Variants in SNAP91 observed in about 807,000 individuals in gnomAD.
The protein encoded by SNAP91 is clathrin coat assembly protein AP180.
SNAP91 carries 27 observed loss-of-function variants against 100.3 expected under a neutral mutation model. The observed-to-expected ratio is 0.27, with a 90% CI of 0.20 to 0.37. SNAP91 has a LOEUF of 0.37. SNAP91 is among the 10% of genes least tolerant of loss of function. The probability of loss-of-function intolerance (pLI) is 1.00; values close to 1 mark genes in which losing one functional copy is unlikely to be tolerated. For synonymous variants in SNAP91, 404 were observed against 398.6 expected, an observed-to-expected ratio of 1.01 and a Z score of -0.16; for missense variants, 986 against 1,123.7, an observed-to-expected ratio of 0.88 and a Z score of 1.75.
intron 2 of SNAP91, among the ~76,000 whole-genome samples, chr6:83,679,967 C>A (rs1411520253): frequency 6.6e-6 from 1 of 151,958 alleles, no homozygotes; most frequent in Non-Finnish European, 1.5e-5. Flanking sequence ...AGCTATCTTT[C>A]CCATAGCACA....
At chr6:83,592,342 G>C (rs2093879539) in intron 21 of SNAP91, 113 bp downstream of exon 21, 1 of 665,822 alleles carries the variant, frequency 1.5e-6, no homozygotes, top group Non-Finnish European at 2.4e-6. Flanking sequence ...ACATTTAAGA[G>C]ACAGAATTTT....
intron 9 of SNAP91, among the ~76,000 whole-genome samples, chr6:83,618,541 TTA>T (rs1346960355): frequency 1.3e-5 from 2 of 151,920 alleles, no homozygotes; most frequent in Non-Finnish European, 2.9e-5. Flanking sequence ...GAAAATTTTG[TTA>T]TAGATACCAG....
chr6:83,681,353 T>C (rs1006080819), intron 2 of SNAP91, among the ~76,000 whole-genome samples: 3 of 152,168 alleles, frequency 2.0e-5, no homozygotes, highest in Non-Finnish European at 4.4e-5. Context: ...TGAGGAGGTT[T>C]TCTATCTCTC....
intron 16 of SNAP91, among the ~76,000 whole-genome samples, chr6:83,600,916 C>G (rs181098180): frequency 6.6e-6 from 1 of 152,068 alleles, no homozygotes; most frequent in Non-Finnish European, 1.5e-5. Flanking sequence ...CTAATCTGGC[C>G]GAAAAGCTAA....
intron 9 of SNAP91, among the ~76,000 whole-genome samples, chr6:83,621,297 T>C (rs2096718167): frequency 6.6e-6 from 1 of 152,340 alleles, no homozygotes; most frequent in Middle Eastern, 3.4e-3. Flanking sequence ...TGATCTTTTC[T>C]TTTTAATGGT....
intron 10 of SNAP91, among the ~76,000 whole-genome samples, chr6:83,616,541 C>T (rs2096493062): frequency 6.6e-6 from 1 of 151,974 alleles, no homozygotes; most frequent in Admixed American, 6.6e-5. Flanking sequence ...ATACTGGAGT[C>T]CAAAAAACTA....
intron 22 of SNAP91, among the ~76,000 whole-genome samples, chr6:83,583,722 A>G (rs1388063801): frequency 6.6e-6 from 1 of 152,172 alleles, no homozygotes; most frequent in East Asian, 1.9e-4. Context: ...CTGCTTGCAA[A>G]AACAATGTTT....
chr6:83,613,899 G>A (rs1195587999), intron 11 of SNAP91, among the ~76,000 whole-genome samples: 1 of 152,090 alleles, frequency 6.6e-6, no homozygotes, highest in Non-Finnish European at 1.5e-5. Context: ...AGTAGATAAT[G>A]AACCATGTTG....
At chr6:83,559,655 G>T (rs1033905205) in intron 28 of SNAP91, among the ~76,000 whole-genome samples, 88 of 151,798 alleles carry the variant, frequency 5.8e-4, no homozygotes, top group African/African-American at 2.1e-3. Flanking sequence ...GGAGTGAGGA[G>T]ATTCTAAAAG....
chr6:83,642,316 T>A (rs1279598724), intron 7 of SNAP91, among the ~76,000 whole-genome samples: 3 of 152,200 alleles, frequency 2.0e-5, no homozygotes, highest in South Asian at 2.1e-4. Flanking sequence ...ATTAGGTATA[T>A]CTCCTAATGC....
chr6:83,590,585 T>C (rs2093604634), intron 22 of SNAP91, among the ~76,000 whole-genome samples: 1 of 152,022 alleles, frequency 6.6e-6, no homozygotes, highest in Non-Finnish European at 1.5e-5. Flanking sequence ...CAGTGGTCTA[T>C]GTAATAGCAG....
chr6:83,602,641 C>T (rs553098656), intron 14 of SNAP91, among the ~76,000 whole-genome samples: 1 of 152,104 alleles, frequency 6.6e-6, no homozygotes, highest in Non-Finnish European at 1.5e-5. Context: ...ATTTCAATTT[C>T]TTAAAGTCTT....
At chr6:83,576,984 C>T (rs556229011) in intron 24 of SNAP91, among the ~76,000 whole-genome samples, 1 of 151,758 alleles carries the variant, frequency 6.6e-6, no homozygotes, top group African/African-American at 2.4e-5. Flanking sequence ...AGACAGATGA[C>T]AAAACAATTA....
intron 26 of SNAP91, among the ~76,000 whole-genome samples, chr6:83,572,714 G>T (rs1810489362): frequency 6.6e-6 from 1 of 152,022 alleles, no homozygotes; most frequent in African/African-American, 2.4e-5. Flanking sequence ...TGGTGATAAG[G>T]GCAACATCAC....
intron 26 of SNAP91, among the ~76,000 whole-genome samples, chr6:83,561,940 C>T (rs1204198997): frequency 6.6e-6 from 1 of 152,058 alleles, no homozygotes; most frequent in Non-Finnish European, 1.5e-5. Context: ...GGTGGGAGGA[C>T]AGCCTCAGTC....
intron 2 of SNAP91, among the ~76,000 whole-genome samples, chr6:83,688,483 T>G (rs1048234961): frequency 2.0e-5 from 3 of 150,826 alleles, no homozygotes; most frequent in African/African-American, 7.3e-5. Context: ...TATTTGTCCC[T>G]CAATACTCAG....
chr6:83,613,854 A>G (rs950403017), intron 11 of SNAP91, among the ~76,000 whole-genome samples: 1 of 152,252 alleles, frequency 6.6e-6, no homozygotes, highest in Admixed American at 6.5e-5. Context: ...TAAAAAGACC[A>G]ATACTTCTAT....
At chr6:83,620,788 T>C (rs2096685664) in intron 9 of SNAP91, among the ~76,000 whole-genome samples, 1 of 152,010 alleles carries the variant, frequency 6.6e-6, no homozygotes, top group South Asian at 2.1e-4. Flanking sequence ...CTCGGCTCAC[T>C]GTAAGCTCCA....
intron 9 of SNAP91, among the ~76,000 whole-genome samples, chr6:83,622,433 G>T (rs1486398258): frequency 9.0e-6 from 1 of 110,944 alleles, no homozygotes; most frequent in Non-Finnish European, 1.8e-5. Flanking sequence ...TAACAAGTAG[G>T]TATCTTTCAT....
Sources: allele counts gnomAD v4.1 joint callset (sites outside exome capture counted in the v4.1 genomes callset), GRCh38; gene constraint gnomAD v4.1.1; transcripts MANE v1.5; gene names NCBI Gene and HGNC (gene_info 2026-07-23, HGNC 2026-07-21).